Variants in MYO5A observed in about 807,000 individuals in gnomAD.
MYO5A encodes unconventional myosin-Va.
A neutral mutation model predicts 249.7 loss-of-function variants in MYO5A; 98 were observed. The observed-to-expected ratio is 0.39, with a 90% CI of 0.33 to 0.46. MYO5A has a LOEUF of 0.46. Among genes scored for constraint, MYO5A ranks in the 20% least tolerant of loss-of-function variants. The probability of loss-of-function intolerance (pLI) is 0.98; values close to 1 mark genes in which losing one functional copy is unlikely to be tolerated. For missense variants in MYO5A, 1,696 were observed against 2,308.8 expected (o/e 0.73, Z 5.44); for synonymous variants, 778 against 810.6 (o/e 0.96, Z 0.68).
At chr15:52,509,894 GA>G (rs34310450) in intron 1 of MYO5A, among the ~76,000 whole-genome samples, 22,919 of 146,988 alleles carry the variant, frequency 0.16, 1,819 homozygotes, top group Middle Eastern at 0.22. Context: ...ATCTCTTGGA[GA>G]AAAAAAAAAA....
In MYO5A at chr15:52,351,365, A is replaced by C. The variant is rs1455842344; in HGVS notation, c.3738T>G (p.Arg1246=). Reference sequence around the variant, plus strand: ...CAGAGGTCAGCTGCTCCATGAGGACACGGTAGGCAGGTGCACCTGGGGCGG... The same window carrying C: ...CAGAGGTCAGCTGCTCCATGAGGACCCGGTAGGCAGGTGCACCTGGGGCGG... ...EVTAPGAPAY[R]VLMEQLTSVS... is the part of the protein sequence containing the mutation. Residue 1246 remains arginine (R), a synonymous_variant, in exon 28 of 42, where the codon CGT becomes CGG. Coordinates refer to ENST00000399233, the MANE Select transcript of MYO5A (RefSeq NM_001382347.1). The C allele has an allele frequency of 6.2e-7, 1 of 1,614,188 alleles. No homozygotes were observed. Among genetic ancestry groups the C allele is most frequent in the Non-Finnish European group, 8.5e-7 (1 of 1,180,022 alleles).
chr15:52,509,526 G>C (rs1011028014), intron 1 of MYO5A, among the ~76,000 whole-genome samples: 28 of 152,208 alleles, frequency 1.8e-4, no homozygotes, highest in African/African-American at 6.3e-4. Context: ...GAACATATAA[G>C]CCTCTTCTCT....
intron 28 of MYO5A, among the ~76,000 whole-genome samples, chr15:52,350,767 A>G (rs1247714717): frequency 6.6e-6 from 1 of 152,064 alleles, no homozygotes; most frequent in Non-Finnish European, 1.5e-5. Context: ...CTGGGACATC[A>G]CCCCGCTACT....
chr15:52,488,251 G>T (rs1349588505), intron 1 of MYO5A, among the ~76,000 whole-genome samples: 1 of 151,630 alleles, frequency 6.6e-6, no homozygotes, highest in Non-Finnish European at 1.5e-5. Flanking sequence ...AATCTTTCCT[G>T]TGAGTTTTCA....
At chr15:52,521,492 C>T (rs150270455) in intron 1 of MYO5A, among the ~76,000 whole-genome samples, 1,539 of 152,236 alleles carry the variant, frequency 0.01, 29 homozygotes, top group African/African-American at 0.035. Flanking sequence ...ATCCAGTCTC[C>T]CTCTAGCCCA....
At position 52,428,465 on chromosome 15, in the gene MYO5A, A is replaced by G. The variant is rs2075446283; in HGVS notation, c.243T>C (p.His81=). ...ENDLTALSYL[H]EPAVLHNLRV... is the part of the protein sequence containing the mutation. ...TGAGATTATGGAGCACAGCAGGCTC[A>G]TGAAGATAGCTGAGGGCTGTGAGGT... is the stretch of plus-strand genomic sequence containing the variant. The change falls in exon 3 of 42, where the codon CAT becomes CAC. Residue 81 remains histidine, a synonymous_variant. Coordinates refer to ENST00000399233, the MANE Select transcript of MYO5A (RefSeq NM_001382347.1). 1.9e-6 allele frequency: 3 copies of G among 1,614,142 alleles called. No individual in the cohort carries two copies. The East Asian group carries it at 6.7e-5, about 36-fold the overall frequency.
At chr15:52,372,078 T>C (rs113815839) in intron 21 of MYO5A, 46 bp downstream of exon 21, 6 of 1,612,272 alleles carry the variant, frequency 3.7e-6, no homozygotes, top group Non-Finnish European at 8.5e-7. Context: ...TCCTGGTGGA[T>C]TTCTTCAGGC....
chr15:52,341,672 G>A (rs199689116), intron 31 of MYO5A, among the ~76,000 whole-genome samples: 1 of 148,614 alleles, frequency 6.7e-6, no homozygotes, highest in African/African-American at 2.5e-5. Flanking sequence ...AAAATATTTA[G>A]TGATTAAAAC....
intron 1 of MYO5A, among the ~76,000 whole-genome samples, chr15:52,444,224 T>C (rs1230890192): frequency 6.6e-6 from 1 of 152,210 alleles, no homozygotes; most frequent in Non-Finnish European, 1.5e-5. Flanking sequence ...CAGAACTAGA[T>C]CTCACTTCTT....
chr15:52,337,089 A>T (rs911740573), intron 33 of MYO5A, among the ~76,000 whole-genome samples: 1 of 152,196 alleles, frequency 6.6e-6, no homozygotes, highest in Non-Finnish European at 1.5e-5. Context: ...GAAAAAAATA[A>T]TCACAAAGAA....
rs568285968 is a variant in MYO5A at position 52,410,016 on chromosome 15, T to C, written c.756+317A>G. On this transcript the variant is annotated intron_variant, in intron 6 of 41. Coordinates refer to ENST00000399233, the MANE Select transcript of MYO5A (RefSeq NM_001382347.1). ...CTAACTTATTGAGAGCATGGAACAA[T>C]GCCTTCCCTATCATTTGGAAATATG... is the stretch of plus-strand genomic sequence containing the variant. 2.0e-5 allele frequency among the ~76,000 whole-genome samples: 3 copies of C among 152,314 alleles called. No homozygotes were observed. In the East Asian group the frequency reaches 5.8e-4, roughly 29 times the overall value.
intron 1 of MYO5A, among the ~76,000 whole-genome samples, chr15:52,456,711 A>G (rs904154675): frequency 6.6e-6 from 1 of 152,188 alleles, no homozygotes; most frequent in Non-Finnish European, 1.5e-5. Flanking sequence ...CCAAGTACGT[A>G]CAATTGGGAA....
At chr15:52,508,908 T>C (rs1051921355) in intron 1 of MYO5A, among the ~76,000 whole-genome samples, 3 of 152,206 alleles carry the variant, frequency 2.0e-5, no homozygotes, top group African/African-American at 7.2e-5. Context: ...CCGTATGTTA[T>C]ACGTTATTTT....
At chr15:52,460,358 T>TTGAG (rs1403355870) in intron 1 of MYO5A, among the ~76,000 whole-genome samples, 1 of 151,978 alleles carries the variant, frequency 6.6e-6, no homozygotes, top group Non-Finnish European at 1.5e-5. Context: ...CTGGGCAACA[T>TTGAG]TGAGCACTGA....
intron 1 of MYO5A, among the ~76,000 whole-genome samples, chr15:52,440,822 C>T (rs996612412): frequency 1.3e-5 from 2 of 152,188 alleles, no homozygotes; most frequent in Admixed American, 6.5e-5. Context: ...TCTCTTCTCC[C>T]CCTAACTCCC....
At position 52,342,527 on chromosome 15, in the gene MYO5A, G is replaced by A. The variant is rs545687819; in HGVS notation, c.4040+590C>T. ...TTTTTCTTTTAACTCCTGGGAGAGA[G>A]AGATTCACAAATTTTAGTGTCTGAA... On this transcript the variant is annotated intron_variant, in intron 31 of 41. Transcript: ENST00000399233. 2.7e-4 allele frequency among the ~76,000 whole-genome samples: 41 copies of A among 152,312 alleles called. 1 individual carries two copies. In the South Asian group the frequency reaches 8.1e-3, roughly 30 times the overall value.
intron 31 of MYO5A, among the ~76,000 whole-genome samples, chr15:52,341,855 G>GTCT (rs1236772619): frequency 4.6e-5 from 7 of 152,208 alleles, no homozygotes; most frequent in African/African-American, 1.4e-4. Flanking sequence ...TAGAGCAGAT[G>GTCT]AATGTCTGTG....
intron 2 of MYO5A, 92 bp downstream of exon 2, chr15:52,433,083 A>G: frequency 1.0e-6 from 1 of 965,128 alleles, no homozygotes; most frequent in Non-Finnish European, 1.7e-6. Context: ...TTCAAAATTT[A>G]ACTTCCATTG....
At chr15:52,346,044 T>C (rs149775338) in intron 30 of MYO5A, among the ~76,000 whole-genome samples, 1 of 152,240 alleles carries the variant, frequency 6.6e-6, no homozygotes, top group African/African-American at 2.4e-5. Flanking sequence ...CAAATGAAAG[T>C]GACTACCTAA....
Sources: gnomAD v4.1 joint callset for allele counts (sites outside exome capture counted in the v4.1 genomes callset) on GRCh38, gnomAD v4.1.1 for gene constraint, MANE v1.5 for transcripts, NCBI Gene and HGNC (gene_info 2026-07-23, HGNC 2026-07-21) for gene names.